ADGRL3: variants seen among roughly 807,000 people sequenced by gnomAD.
ADGRL3 encodes adhesion G protein-coupled receptor L3, also known as calcium-independent alpha-latrotoxin receptor 3.
A neutral mutation model predicts 153.5 loss-of-function variants in ADGRL3; 62 were observed. The observed-to-expected ratio is 0.40, with a 90% confidence interval of 0.33 to 0.50. The LOEUF (loss-of-function observed/expected upper bound fraction) is 0.50. Ranked by LOEUF, ADGRL3 falls within the 20% of genes least tolerant of loss-of-function variation. ADGRL3 has a pLI of 0.47. For synonymous variants in ADGRL3, 710 were observed against 672.5 expected, an observed-to-expected ratio of 1.06 and a Z score of -0.86; for missense variants, 1,641 against 1,859.4, an observed-to-expected ratio of 0.88 and a Z score of 2.16.
At chr4:61,415,234 T>A (rs1023125597) in intron 2 of ADGRL3, among the ~76,000 whole-genome samples, 4 of 151,990 alleles carry the variant, frequency 2.6e-5, no homozygotes, top group African/African-American at 7.2e-5. Context: ...AAACACTAGA[T>A]TTATTTATTA....
chr4:61,727,829 C>G (rs1238393358), intron 6 of ADGRL3, among the ~76,000 whole-genome samples: 1 of 151,988 alleles, frequency 6.6e-6, no homozygotes, highest in East Asian at 1.9e-4. Context: ...TCTATTTCAC[C>G]ACTTTTTCTT....
chr4:61,587,846 A>G (rs2098952649), intron 5 of ADGRL3, among the ~76,000 whole-genome samples: 1 of 152,086 alleles, frequency 6.6e-6, no homozygotes, highest in Non-Finnish European at 1.5e-5. Context: ...AGTAAAAATT[A>G]ATAGGTAATT....
intron 1 of ADGRL3, among the ~76,000 whole-genome samples, chr4:61,319,090 G>A (rs886815143): frequency 2.6e-5 from 4 of 152,170 alleles, no homozygotes; most frequent in Admixed American, 1.3e-4. Flanking sequence ...GGAATAGGCT[G>A]CCTGTATGTT....
In ADGRL3 at chr4:61,788,253, G is replaced by A. The variant is rs114662586; in HGVS notation, c.1400-25556G>A. ...ACCAGCATTAGTGAAAACCAGTGCA[G>A]CAATCAAAACTACAACCAGGGTCCC... On this transcript the variant is annotated intron_variant, in intron 8 of 26. Transcript: ENST00000683033. Among the ~76,000 whole-genome samples the A allele has an allele frequency of 1.3e-3, 199 of 152,272 alleles. 1 individual carries two copies. Among genetic ancestry groups the A allele is most frequent in the African/African-American group, 4.6e-3 (192 of 41,568 alleles).
At chr4:61,380,002 C>A (rs999259774) in intron 1 of ADGRL3, among the ~76,000 whole-genome samples, 1 of 151,818 alleles carries the variant, frequency 6.6e-6, no homozygotes, top group Admixed American at 6.6e-5. Context: ...TCCATACCAA[C>A]CTCAGAGAAT....
At chr4:61,742,180 ACT>A (rs1204504041) in intron 8 of ADGRL3, among the ~76,000 whole-genome samples, 2 of 151,990 alleles carry the variant, frequency 1.3e-5, no homozygotes, top group Non-Finnish European at 2.9e-5. Flanking sequence ...GTGAGAGTTG[ACT>A]CTATTACGTA....
chr4:61,814,994 C>T (rs1480812623), intron 9 of ADGRL3, among the ~76,000 whole-genome samples: 5 of 152,070 alleles, frequency 3.3e-5, no homozygotes, highest in African/African-American at 1.2e-4. Flanking sequence ...GCCATCGGGT[C>T]TGCGCTTGGC....
At chr4:62,055,772 A>T (rs1409951221) in intron 25 of ADGRL3, among the ~76,000 whole-genome samples, 1 of 151,656 alleles carries the variant, frequency 6.6e-6, no homozygotes, top group African/African-American at 2.4e-5. Context: ...CTTTCTGTAG[A>T]TTGTTTATGT....
chr4:62,008,849 C>T (rs1005219082), intron 21 of ADGRL3, among the ~76,000 whole-genome samples: 3 of 152,002 alleles, frequency 2.0e-5, no homozygotes, highest in Non-Finnish European at 2.9e-5. Flanking sequence ...ATGACAATCG[C>T]ATGTATGATG....
intron 1 of ADGRL3, among the ~76,000 whole-genome samples, chr4:61,282,068 T>A (rs2150006321): frequency 6.6e-6 from 1 of 152,132 alleles, no homozygotes; most frequent in South Asian, 2.1e-4. Flanking sequence ...TTTTCCTTTC[T>A]GCTAATAGGG....
chr4:61,909,615 G>C lies in ADGRL3; in HGVS notation c.1943G>C (p.Arg648Thr). The change falls in exon 12 of 27, where the codon AGA becomes ACA. Residue 648 changes from arginine to threonine, a missense_variant. Arg to Thr is a moderately conservative substitution (Grantham distance 71). This residue lies in a region of ADGRL3 where 734 missense variants were observed against 797.0 expected (regional missense o/e 0.92). Transcript: ENST00000683033. ...NIARELAEQTRNHLNAGDITY... is the reference protein window; with the variant it reads ...NIARELAEQTTNHLNAGDITY... ...GCTAGAGAGCTGGCTGAACAGACAA[G>C]AAATCACTTGAATGCTGGGGACATC... is the stretch of plus-strand genomic sequence containing the variant. 6.2e-7 allele frequency: 1 copy of C among 1,613,612 alleles called. No homozygotes were observed. The highest frequency in any genetic ancestry group is 1.1e-5 in the South Asian group (1 of 90,998).
intron 1 of ADGRL3, among the ~76,000 whole-genome samples, chr4:61,370,100 T>G (rs2096490796): frequency 6.6e-6 from 1 of 152,174 alleles, no homozygotes; most frequent in Non-Finnish European, 1.5e-5. Flanking sequence ...TTCTATTGCG[T>G]CTATTTGATT....
intron 9 of ADGRL3, among the ~76,000 whole-genome samples, chr4:61,882,333 C>A (rs551500302): frequency 2.6e-5 from 4 of 152,072 alleles, no homozygotes; most frequent in Non-Finnish European, 4.4e-5. Flanking sequence ...CAAAAGCCAC[C>A]GCCACGTGTC....
intron 2 of ADGRL3, among the ~76,000 whole-genome samples, chr4:61,386,037 G>A (rs192358096): frequency 1.3e-5 from 2 of 152,248 alleles, no homozygotes; most frequent in African/African-American, 4.8e-5. Context: ...GATTTTGATG[G>A]TGGTGGTTGT....
intron 21 of ADGRL3, among the ~76,000 whole-genome samples, chr4:62,008,819 G>A (rs995936951): frequency 3.3e-5 from 5 of 151,910 alleles, no homozygotes; most frequent in Admixed American, 1.3e-4. Flanking sequence ...GTCATGTACT[G>A]CATAATGACA....
At chr4:61,640,844 A>G (rs1466713658) in intron 5 of ADGRL3, among the ~76,000 whole-genome samples, 1 of 152,180 alleles carries the variant, frequency 6.6e-6, no homozygotes, top group Non-Finnish European at 1.5e-5. Flanking sequence ...TTTGTCTATA[A>G]TAAGTTTATT....
intron 1 of ADGRL3, among the ~76,000 whole-genome samples, chr4:61,254,859 A>T (rs1254682277): frequency 2.0e-5 from 3 of 152,010 alleles, no homozygotes; most frequent in Non-Finnish European, 4.4e-5. Context: ...AGAACCTTTT[A>T]CATTTTTTCC....
intron 2 of ADGRL3, among the ~76,000 whole-genome samples, chr4:61,475,521 T>G: frequency 6.6e-6 from 1 of 152,146 alleles, no homozygotes; most frequent in East Asian, 1.9e-4. Flanking sequence ...ATATTAAAGG[T>G]GGATTTAGGA....
At chr4:61,975,212 A>G (rs1443675200) in intron 17 of ADGRL3, among the ~76,000 whole-genome samples, 1 of 152,176 alleles carries the variant, frequency 6.6e-6, no homozygotes, top group African/African-American at 2.4e-5. Context: ...CAATAGAGAG[A>G]GTCAGAATAC....
Sources: gnomAD v4.1 joint callset for allele counts (sites outside exome capture counted in the v4.1 genomes callset) on GRCh38, gnomAD v4.1.1 for gene constraint, gnomAD v4.1.1 regional missense constraint, MANE v1.5 for transcripts, NCBI Gene and HGNC (gene_info 2026-07-23, HGNC 2026-07-21) for gene names.